Variants in PIK3CD observed in about 807,000 individuals in gnomAD.
The protein encoded by PIK3CD is phosphatidylinositol-4,5-bisphosphate 3-kinase catalytic subunit delta, also known as phosphatidylinositol 4,5-bisphosphate 3-kinase catalytic subunit delta isoform.
A neutral mutation model predicts 122.9 loss-of-function variants in PIK3CD; 20 were observed. That is an observed-to-expected ratio of 0.16 (90% CI 0.11 to 0.24). The LOEUF (loss-of-function observed/expected upper bound fraction) is 0.24, where lower values mean the gene tolerates loss of function less well. PIK3CD is among the 10% of genes least tolerant of loss of function. The pLI is 1.00. For synonymous variants in PIK3CD, 596 were observed against 593.4 expected (o/e 1.00, Z -0.06); for missense variants, 787 against 1,406.3 (o/e 0.56, Z 7.04).
chr1:9,708,571 G>A (rs1282787003), intron 2 of PIK3CD, among the ~76,000 whole-genome samples: 1 of 152,134 alleles, frequency 6.6e-6, no homozygotes, highest in African/African-American at 2.4e-5. Flanking sequence ...ATGGACGTCG[G>A]GCCCAGTGGC....
chr1:9,676,905 G>A (rs1382468048), intron 1 of PIK3CD, among the ~76,000 whole-genome samples: 6 of 152,182 alleles, frequency 3.9e-5, no homozygotes, highest in Non-Finnish European at 7.3e-5. Context: ...AGGCTCCAGG[G>A]GCAGGAGTGG....
rs542594451 is a variant in PIK3CD, at chr1:9,715,069, C to T, written c.142-472C>T. On this transcript the variant is annotated intron_variant, in intron 3 of 23. Transcript: ENST00000377346. This position sits in a 1 kb window ranked among gnomAD's most constrained non-coding sequence, Gnocchi z 4.1. ...GTGCATGCCTATAATCCCAGCTACTCGGGAGGCTGAGGCAAGAGAATCACT... is the reference window on the plus strand; with the variant it reads ...GTGCATGCCTATAATCCCAGCTACTTGGGAGGCTGAGGCAAGAGAATCACT... Among the ~76,000 whole-genome samples, 197 of 152,176 alleles carry T rather than the reference C, an allele frequency of 1.3e-3. No individual in the cohort carries two copies. The highest frequency in any genetic ancestry group is 6.9e-3 in the Admixed American group (106 of 15,288).
chr1:9,724,470 G>A lies in PIK3CD; in HGVS notation c.2864+49G>A. ...GATGCCCCTCGGTGTGGGGCCCCAG[G>A]GAACAGGGCAGAGGTTCCCAGGCAG... On this transcript the variant is annotated intron_variant, in intron 22 of 23. Transcript: ENST00000377346. The surrounding 1 kb of genome is among the most constrained non-coding windows in gnomAD (Gnocchi z 7.3). 4.3e-6 allele frequency: 7 copies of A among 1,610,128 alleles called. No homozygotes were observed. The highest frequency in any genetic ancestry group is 5.9e-6 in the Non-Finnish European group (7 of 1,177,110).
chr1:9,716,003 T>C lies in PIK3CD; in HGVS notation c.525T>C (p.Ala175=), dbSNP rs752164145. 1 of 1,612,628 alleles carries C rather than the reference T, an allele frequency of 6.2e-7. No individual in the cohort carries two copies. Among genetic ancestry groups the C allele is most frequent in the South Asian group, 1.1e-5 (1 of 91,066 alleles). ...TCCCCCTGCAGCTGGAGCCCTCGGC[T>C]CAAACCTGGGGGCCTGGTACCCTGC... ...YSFPLQLEPS[A]QTWGPGTLRL... The change falls in exon 5 of 24, where the codon GCT becomes GCC. Residue 175 remains alanine (A), a synonymous_variant. Coordinates refer to ENST00000377346, the MANE Select transcript of PIK3CD (RefSeq NM_005026.5).
chr1:9,720,715 G>C lies in PIK3CD; in HGVS notation c.1522-27G>C, dbSNP rs769665023. The C allele has an allele frequency of 1.2e-6, 2 of 1,604,024 alleles. No individual in the cohort carries two copies. The highest frequency in any genetic ancestry group is 2.7e-5 in the African/African-American group (2 of 74,708). On this transcript the variant is annotated intron_variant, in intron 12 of 23. Coordinates refer to ENST00000377346, the MANE Select transcript of PIK3CD (RefSeq NM_005026.5). The surrounding 1 kb of genome is among the most constrained non-coding windows in gnomAD (Gnocchi z 9.0). ...GGCATGGAGCCGGCGTGGAACCAGA[G>C]CCCTCACTCCTGCCCACACCCCTCA...
At chr1:9,642,716 CAA>C in the PIK3CD span, among the ~76,000 whole-genome samples, 8 of 70,120 alleles carry the variant, frequency 1.1e-4, no homozygotes, top group Non-Finnish European at 9.1e-5. Flanking sequence ...GACTCTGTCT[CAA>C]AAAAAAAAAA....
chr1:9,711,238 C>T (rs922254597), intron 3 of PIK3CD, among the ~76,000 whole-genome samples: 7 of 151,988 alleles, frequency 4.6e-5, no homozygotes, highest in Admixed American at 6.6e-5. Context: ...GGACTATAGG[C>T]GTGCACCACC....
rs776692359 is a variant in PIK3CD, at chr1:9,726,865, G to C, written c.2998-44G>C. ...AGAGAGGGACGCATCCCAGAGCAAG[G>C]TCCGGGCCCCCTTAACGTGGACACC... On this transcript the variant is annotated intron_variant, in intron 23 of 23. Transcript: ENST00000377346. 26 of 1,612,850 alleles carry C rather than the reference G, an allele frequency of 1.6e-5. No homozygotes were observed. In the South Asian group the frequency reaches 2.7e-4, roughly 17 times the overall value.
rs556456622 is a variant in PIK3CD, at chr1:9,693,133, G to A, written c.-33+1562G>A. 5.0e-4 allele frequency among the ~76,000 whole-genome samples: 76 copies of A among 152,036 alleles called. 1 individual carries two copies. The highest frequency in any genetic ancestry group is 3.4e-3 in the Middle Eastern group (1 of 294). ...TATCATCTTACCGCCACCCCACCCC[G>A]CACCAGAGAAAACCACTGTTTCCTC... On this transcript the variant is annotated intron_variant, in intron 2 of 23. Coordinates refer to ENST00000377346, the MANE Select transcript of PIK3CD (RefSeq NM_005026.5).
the PIK3CD span, among the ~76,000 whole-genome samples, chr1:9,644,252 G>T: frequency 6.6e-6 from 1 of 152,154 alleles, no homozygotes; most frequent in East Asian, 1.9e-4. Context: ...GGTGGCTCAC[G>T]CCTGGAATCC....
chr1:9,722,975 A>C lies in PIK3CD; in HGVS notation c.2427-150A>C. 1 of 803,894 alleles carries C rather than the reference A, an allele frequency of 1.2e-6. No individual in the cohort carries two copies. The highest frequency in any genetic ancestry group is 1.4e-5 in the South Asian group (1 of 72,750). The allele number at this position is 803,894 out of a possible 1,614,324, so 49.8% of individuals were successfully genotyped here. A position where few individuals can be genotyped will look rare whatever the true frequency, so the allele number is the denominator to read the frequency against. On this transcript the variant is annotated intron_variant, in intron 19 of 23. Transcript: ENST00000377346. This position sits in a 1 kb window ranked among gnomAD's most constrained non-coding sequence, Gnocchi z 7.6. ...TCAGATGCTGGTGCCGGCATCTCCA[A>C]GGAGCCAGCATCTCTCACCTGCTTT...
In PIK3CD at chr1:9,720,335, A is replaced by T. The variant is rs545607689; in HGVS notation, c.1470+93A>T. The T allele has an allele frequency of 8.6e-5, 127 of 1,470,884 alleles. No homozygotes were observed. In the South Asian group the frequency reaches 1.6e-3, roughly 18 times the overall value. The allele number at this position is 1,470,884 out of a possible 1,614,324, so 91.1% of individuals were successfully genotyped here. On this transcript the variant is annotated intron_variant, in intron 11 of 23. Transcript: ENST00000377346. This position sits in a 1 kb window ranked among gnomAD's most constrained non-coding sequence, Gnocchi z 9.0. The stretch of plus-strand genomic sequence containing the variant: ...GCTCTTCAGAGGGTGCTCCCTGGCC[A>T]CGTCGGGGCTGGGCTACCAGGCATA...
the PIK3CD span, among the ~76,000 whole-genome samples, chr1:9,642,750 G>T: frequency 4.0e-5 from 6 of 149,762 alleles, no homozygotes; most frequent in Admixed American, 2.7e-4. Context: ...CCCACTGAAT[G>T]GTTCTCCAGC....
chr1:9,721,725 T>C lies in PIK3CD; in HGVS notation c.1956-36T>C, dbSNP rs1397904553. 6.8e-6 allele frequency: 11 copies of C among 1,608,668 alleles called. No individual in the cohort carries two copies. The Admixed American group carries it at 1.0e-4, about 15-fold the overall frequency. On this transcript the variant is annotated intron_variant, in intron 15 of 23. Coordinates refer to ENST00000377346, the MANE Select transcript of PIK3CD (RefSeq NM_005026.5). ...CTGGGCGGGAGGGGCTGCGTGGTGC[T>C]GCCTGGTGAGGCTCAGCCCTCCCTT...
chr1:9,633,534 C>G, the PIK3CD span, among the ~76,000 whole-genome samples: 1 of 152,118 alleles, frequency 6.6e-6, no homozygotes, highest in African/African-American at 2.4e-5. Context: ...GTCTCAAACT[C>G]CTGACCTCAG....
At chr1:9,630,707 AGTGTGTGT>A in the PIK3CD span, among the ~76,000 whole-genome samples, 20 of 147,668 alleles carry the variant, frequency 1.4e-4, no homozygotes, top group South Asian at 2.4e-3. Context: ...AAAGAAAGTG[AGTGTGTGT>A]GTGTGTGTGT....
rs528098111 is a variant in PIK3CD at position 9,717,186 on chromosome 1, A to G, written c.930+78A>G. On this transcript the variant is annotated intron_variant, in intron 7 of 23. Coordinates refer to ENST00000377346, the MANE Select transcript of PIK3CD (RefSeq NM_005026.5). The surrounding 1 kb of genome is among the most constrained non-coding windows in gnomAD (Gnocchi z 5.4). The stretch of plus-strand genomic sequence containing the variant: ...CGTCCAACTCCATGTGCTACTGGCC[A>G]TGGGTCCAGGGGCCCTTGGTATGGA... 57 of 1,552,492 alleles carry G rather than the reference A, an allele frequency of 3.7e-5. No individual in the cohort carries two copies. In the East Asian group the frequency reaches 8.8e-4, roughly 24 times the overall value.
Position 9,666,896 on chromosome 1 carries a change from C to T in PIK3CD, c.-138+15094C>T, listed in dbSNP as rs184404492. On this transcript the variant is annotated intron_variant, in intron 1 of 23. Coordinates refer to ENST00000377346, the MANE Select transcript of PIK3CD (RefSeq NM_005026.5). ...TTTTTTTTTTTCAGAGATGGAGTCT[C>T]GCTCTGTTGCCCTGGCTGGAGTGCA... 7.6e-3 allele frequency among the ~76,000 whole-genome samples: 1,150 copies of T among 150,636 alleles called. 35 individuals are homozygous for T. The highest frequency in any genetic ancestry group is 0.047 in the Admixed American group (714 of 15,088).
At chr1:9,667,908 GTTTTTTTTT>G (rs745429754) in intron 1 of PIK3CD, among the ~76,000 whole-genome samples, 1 of 55,154 alleles carries the variant, frequency 1.8e-5, no homozygotes, top group African/African-American at 6.0e-5. Flanking sequence ...GCTAATTTTT[GTTTTTTTTT>G]TTTTTTTTTT....
Sources: gnomAD v4.1 joint callset for allele counts (sites outside exome capture counted in the v4.1 genomes callset) on GRCh38, gnomAD v4.1.1 for gene constraint, Gnocchi (gnomAD v3.1) non-coding constraint, MANE v1.5 for transcripts, NCBI Gene and HGNC (gene_info 2026-07-23, HGNC 2026-07-21) for gene names.